COL6A3: variants seen among roughly 807,000 people sequenced by gnomAD.
COL6A3 encodes collagen type VI alpha 3 chain.
In COL6A3, 137 loss-of-function variants were observed where a neutral mutation model predicts 274.1. That is an observed-to-expected ratio of 0.50 (90% CI 0.44 to 0.58). The LOEUF is 0.58. Among genes scored for constraint, COL6A3 ranks in the 20% least tolerant of loss-of-function variants. COL6A3 has a pLI of 0.00. For synonymous variants in COL6A3, 1,650 were observed against 1,650.6 expected (o/e 1.00, Z 0.01); for missense variants, 3,950 against 4,124.9 (o/e 0.96, Z 1.16).
chr2:237,390,411 C>A (rs2078258546), intron 3 of COL6A3, among the ~76,000 whole-genome samples: 1 of 152,174 alleles, frequency 6.6e-6, no homozygotes, highest in African/African-American at 2.4e-5. Flanking sequence ...CAAGGGCATG[C>A]TTTGTTATTC....
chr2:237,342,011 A>G, intron 37 of COL6A3, 54 bp downstream of exon 37: 1 of 1,397,114 alleles, frequency 7.2e-7, no homozygotes. Context: ...TCCCATGGAT[A>G]TTATGTTTTG....
chr2:237,351,487 C>T (rs774588630), intron 26 of COL6A3, among the ~76,000 whole-genome samples: 23 of 152,212 alleles, frequency 1.5e-4, no homozygotes, highest in Non-Finnish European at 2.8e-4. Flanking sequence ...CCTGACAGGA[C>T]GGCAAGCTCC....
At position 237,360,096 on chromosome 2, in the gene COL6A3, C is replaced by T. The variant is rs2106342225; in HGVS notation, c.6274G>A (p.Gly2092Arg). 6.2e-7 allele frequency: 1 copy of T among 1,614,150 alleles called. No homozygotes were observed. Among genetic ancestry groups the T allele is most frequent in the Non-Finnish European group, 8.5e-7 (1 of 1,180,026 alleles). The change falls in exon 17 of 44, where the codon GGA becomes AGA. Residue 2092 changes from glycine to arginine, a missense_variant. By Grantham distance (125) the Gly-to-Arg change is moderately radical. This residue lies in a region of COL6A3 where 92 missense variants were observed against 143.4 expected (regional missense o/e 0.64). Transcript: ENST00000295550. Reference sequence around the variant, plus strand: ...CATCACCCACGCCTCACCTTTACTCCTCTCTGGCCCGGGCAGCCCTGGAAA... The same window carrying T: ...CATCACCCACGCCTCACCTTTACTCTTCTCTGGCCCGGGCAGCCCTGGAAA... ...QGFQGCPGQRGVKGSRGFPGE... is the reference protein window; with the variant it reads ...QGFQGCPGQRRVKGSRGFPGE...
At chr2:237,390,056 A>G (rs1052162638) in intron 3 of COL6A3, among the ~76,000 whole-genome samples, 1 of 152,168 alleles carries the variant, frequency 6.6e-6, no homozygotes. Flanking sequence ...ATTCCTCAAC[A>G]TTTCCCAGGC....
intron 32 of COL6A3, among the ~76,000 whole-genome samples, chr2:237,345,916 G>A (rs2106326377): frequency 6.6e-6 from 1 of 152,248 alleles, no homozygotes; most frequent in East Asian, 1.9e-4. Flanking sequence ...TCCAACTCCT[G>A]AATTATCTTT....
intron 40 of COL6A3, among the ~76,000 whole-genome samples, chr2:237,335,144 G>A (rs925047062): frequency 1.3e-5 from 2 of 151,822 alleles, no homozygotes; most frequent in African/African-American, 2.4e-5. Flanking sequence ...TAAAAATCTC[G>A]CCTGTTAAGA....
intron 10 of COL6A3, 50 bp from the exon 11 acceptor site, chr2:237,367,336 G>A: frequency 6.3e-7 from 1 of 1,575,378 alleles, no homozygotes; most frequent in Non-Finnish European, 8.6e-7. Flanking sequence ...TCCAGACCCA[G>A]AACATAAATA....
Position 237,350,182 on chromosome 2 carries a change from CT to C in COL6A3, c.6843del (p.Gly2282GlufsTer49). 1.2e-6 allele frequency: 2 copies of C among 1,614,168 alleles called. No individual in the cohort carries two copies. The highest frequency in any genetic ancestry group is 1.7e-6 in the Non-Finnish European group (2 of 1,180,012). Reference protein sequence around the residue: ...RKGEPGEPGPKGGIGNRGPRG... With the variant: ...RKGEPGEPGPXGGIGNRGPRG... ...CGAGGGCCCCGGTTCCCGATTCCTC[CT>C]TTTGGTCCTGGCTCTCCGGGCTCAC... On this transcript the variant is annotated frameshift_variant, in exon 28 of 44. Coordinates refer to ENST00000295550, the MANE Select transcript of COL6A3 (RefSeq NM_004369.4). LOFTEE classifies it high-confidence loss of function.
At chr2:237,331,981 G>C (rs1007400583) in intron 42 of COL6A3, among the ~76,000 whole-genome samples, 3 of 145,040 alleles carry the variant, frequency 2.1e-5, no homozygotes, top group African/African-American at 7.6e-5. Flanking sequence ...AGGTAGACAG[G>C]CGATCTCAGT....
intron 1 of COL6A3, among the ~76,000 whole-genome samples, chr2:237,404,712 C>T (rs1185448132): frequency 2.0e-5 from 3 of 152,166 alleles, no homozygotes; most frequent in Non-Finnish European, 4.4e-5. Flanking sequence ...ACAGTGAAAG[C>T]CTTTGAATCC....
chr2:237,388,368 C>CA (rs1485438401), intron 3 of COL6A3, among the ~76,000 whole-genome samples, 184 bp from the exon 4 acceptor site: 1 of 152,178 alleles, frequency 6.6e-6, no homozygotes, highest in African/African-American at 2.4e-5. Flanking sequence ...GGATAAGAGG[C>CA]AACCTCTTAG....
intron 42 of COL6A3, among the ~76,000 whole-genome samples, chr2:237,331,353 G>GA (rs1700215035): frequency 6.6e-6 from 1 of 151,894 alleles, no homozygotes; most frequent in South Asian, 2.1e-4. Flanking sequence ...CACCCCAGGG[G>GA]AAATAGTTAA....
chr2:237,351,003 G>A, intron 27 of COL6A3, 127 bp downstream of exon 27: 1 of 867,104 alleles, frequency 1.2e-6, no homozygotes, highest in Non-Finnish European at 2.0e-6. Context: ...CGATCAACAG[G>A]GGAGGCTGGA....
intron 1 of COL6A3, among the ~76,000 whole-genome samples, chr2:237,412,743 A>T (rs1385545823): frequency 6.6e-6 from 1 of 152,182 alleles, no homozygotes; most frequent in Non-Finnish European, 1.5e-5. Flanking sequence ...GGGGGATCCC[A>T]GGTTGAGCAT....
At chr2:237,373,724 C>T (rs560145535) in intron 8 of COL6A3, among the ~76,000 whole-genome samples, 179 of 152,268 alleles carry the variant, frequency 1.2e-3, no homozygotes, top group African/African-American at 4.1e-3. Context: ...CCGAGTGACC[C>T]GGGAGAGTGG....
At chr2:237,412,629 C>G (rs2078884238) in intron 1 of COL6A3, among the ~76,000 whole-genome samples, 1 of 152,208 alleles carries the variant, frequency 6.6e-6, no homozygotes, top group Non-Finnish European at 1.5e-5. Flanking sequence ...TCAACGGCCA[C>G]CCACTCAGTT....
In COL6A3 at chr2:237,377,757, AG is replaced by A. The variant is rs1376943882; in HGVS notation, c.2498-414del. Among the ~76,000 whole-genome samples the A allele has an allele frequency of 1.3e-4, 19 of 146,666 alleles. No homozygotes were observed. The Admixed American group carries it at 1.3e-3, about 10-fold the overall frequency. On this transcript the variant is annotated intron_variant, in intron 6 of 43. Transcript: ENST00000295550. ...TTGATCTCAATCTCTAGAAAAAAAA[AG>A]GGGGGGCTGATATGGGTCAACCACT...
At chr2:237,345,554 T>G (rs1474615287) in intron 32 of COL6A3, among the ~76,000 whole-genome samples, 5 of 152,196 alleles carry the variant, frequency 3.3e-5, no homozygotes, top group Admixed American at 3.3e-4. Flanking sequence ...CTTGATACGC[T>G]GTCCCCTGCC....
chr2:237,334,891 T>G lies in COL6A3; in HGVS notation c.8966-2A>C, dbSNP rs113890026. 1.2e-6 allele frequency: 2 copies of G among 1,613,958 alleles called. No homozygotes were observed. Among genetic ancestry groups the G allele is most frequent in the Non-Finnish European group, 1.7e-6 (2 of 1,180,010 alleles). ...CCTGGACTTCACGGGACATCTTAAC[T>G]GAAAGATAGATCAGAGCGTGAAGAT... is the stretch of plus-strand genomic sequence containing the variant. On this transcript the variant is annotated splice_acceptor_variant, in intron 40 of 43. Transcript: ENST00000295550. LOFTEE classifies it high-confidence loss of function.
Sources: allele counts gnomAD v4.1 joint callset (sites outside exome capture counted in the v4.1 genomes callset), GRCh38; gene constraint gnomAD v4.1.1; regional missense constraint gnomAD v4.1.1; transcripts MANE v1.5; gene names NCBI Gene and HGNC (gene_info 2026-07-23, HGNC 2026-07-21).